Variants in BEND2 observed in about 807,000 individuals in gnomAD.
BEND2 encodes the protein BEN domain-containing protein 2.
BEND2 carries 19 observed loss-of-function variants against 43.8 expected under a neutral mutation model. The ratio of observed to expected loss-of-function variants is 0.43; its 90% confidence interval spans 0.30 to 0.64. The LOEUF is 0.64. Among genes scored for constraint, BEND2 ranks in the 30% least tolerant of loss-of-function variants. The probability of loss-of-function intolerance (pLI) is 0.11; values close to 1 mark genes in which losing one functional copy is unlikely to be tolerated. For synonymous variants in BEND2, 226 were observed against 210.1 expected (o/e 1.08, Z -0.66); for missense variants, 544 against 574.0 (o/e 0.95, Z 0.53).
chrX:18,174,483 G>T (rs1924081529), intron 11 of BEND2, among the ~76,000 whole-genome samples: 1 of 112,347 alleles, frequency 8.9e-6, no homozygotes, highest in Non-Finnish European at 1.9e-5. Flanking sequence ...GGAGGATTTT[G>T]TAGCTCTGTC....
chrX:18,219,356 G>GCAC (rs1189179926), intron 1 of BEND2, among the ~76,000 whole-genome samples: 17 of 112,893 alleles, frequency 1.5e-4, no homozygotes, highest in African/African-American at 5.5e-4. Context: ...GCGGCAAGGG[G>GCAC]GCCGGGCCCT....
intron 10 of BEND2, among the ~76,000 whole-genome samples, chrX:18,176,709 A>G (rs374152430): frequency 5.4e-5 from 6 of 111,275 alleles, no homozygotes; most frequent in South Asian, 7.7e-4. Context: ...GTGTAACCCA[A>G]TGTTGACTAT....
chrX:18,213,531 G>C (rs978475687), intron 3 of BEND2, among the ~76,000 whole-genome samples: 5 of 111,403 alleles, frequency 4.5e-5, no homozygotes, highest in African/African-American at 1.6e-4. Flanking sequence ...CCAAAAGAGA[G>C]AAATCAAAAG....
chrX:18,195,725 A>T (rs1365173777), intron 6 of BEND2, among the ~76,000 whole-genome samples: 1 of 109,865 alleles, frequency 9.1e-6, no homozygotes, highest in African/African-American at 3.3e-5. Flanking sequence ...AAAAAAATTT[A>T]AAAACTAGCC....
intron 6 of BEND2, among the ~76,000 whole-genome samples, chrX:18,197,125 G>T (rs1035134163): frequency 1.8e-5 from 2 of 112,227 alleles, no homozygotes; most frequent in East Asian, 5.6e-4. Flanking sequence ...AAATACATGT[G>T]AATCTAAAAT....
chrX:18,210,358 A>C (rs765244277), intron 4 of BEND2, among the ~76,000 whole-genome samples: 115 of 112,251 alleles, frequency 1.0e-3, no homozygotes, highest in African/African-American at 2.9e-3. Context: ...AAAATTATTA[A>C]TAAACCAAAA....
At chrX:18,176,368 CAAAAAAAA>C (rs57898259) in intron 10 of BEND2, among the ~76,000 whole-genome samples, 1 of 58,295 alleles carries the variant, frequency 1.7e-5, no homozygotes, top group African/African-American at 7.0e-5. Context: ...TCTTGGTGCT[CAAAAAAAA>C]AAAAAAAAAA....
rs1925587282 is a variant in BEND2 at position 18,213,848 on chromosome X, G to C, written c.302C>G (p.Pro101Arg). 6.4e-6 allele frequency: 1 copy of C among 157,007 alleles called. No individual in the cohort carries two copies. Among genetic ancestry groups the C allele is most frequent in the Non-Finnish European group, 1.3e-5 (1 of 78,444 alleles). The allele number at this position is 157,007 out of a possible 1,213,427, so 12.9% of individuals were successfully genotyped here. A position where few individuals can be genotyped will look rare whatever the true frequency, so the allele number is the denominator to read the frequency against. Reference sequence around the variant, plus strand: ...GTGGAAGAATTGCTTGAGTCCAAGAGGTTGAGGCTGCAGTGAGCTGTGATC... The same window carrying C: ...GTGGAAGAATTGCTTGAGTCCAAGACGTTGAGGCTGCAGTGAGCTGTGATC... ...WHDHSSLQPQ[P>R]LGLKQFFHLS... The change falls in exon 3 of 14, where the codon CCT becomes CGT. Residue 101 changes from proline to arginine, a missense_variant. Around this residue, in one of 2 missense-constraint regions of BEND2, gnomAD observed 501 missense variants for 501.6 expected, o/e 1.00. Transcript: ENST00000380033.
At chrX:18,190,115 A>G (rs1248057903) in intron 8 of BEND2, among the ~76,000 whole-genome samples, 2 of 110,988 alleles carry the variant, frequency 1.8e-5, no homozygotes, top group African/African-American at 3.3e-5. Flanking sequence ...TCACTCATAC[A>G]CTGCTGATGG....
intron 1 of BEND2, 110 bp from the exon 2 acceptor site, chrX:18,216,843 G>GA: frequency 1.7e-6 from 1 of 598,035 alleles, no homozygotes; most frequent in Non-Finnish European, 2.6e-6. Context: ...TATTTTAGCT[G>GA]AAAATTTGTA....
At chrX:18,169,956 C>T (rs1923924820) in intron 13 of BEND2, among the ~76,000 whole-genome samples, 1 of 111,044 alleles carries the variant, frequency 9.0e-6, no homozygotes, top group Non-Finnish European at 1.9e-5. Context: ...ACCTATTTTC[C>T]CCCACATTAA....
intron 2 of BEND2, among the ~76,000 whole-genome samples, chrX:18,215,496 G>A (rs1376891954): frequency 2.7e-5 from 3 of 112,234 alleles, no homozygotes; most frequent in Middle Eastern, 4.2e-3. Context: ...ACCTGTTCTT[G>A]TATAGCTCAT....
chrX:18,209,937 T>C (rs1203049949), intron 4 of BEND2, among the ~76,000 whole-genome samples: 1 of 111,333 alleles, frequency 9.0e-6, no homozygotes, highest in East Asian at 2.8e-4. Flanking sequence ...ACATGTAAGT[T>C]AACATTAAGG....
At chrX:18,199,440 G>T (rs370569167) in intron 6 of BEND2, among the ~76,000 whole-genome samples, 15 of 111,307 alleles carry the variant, frequency 1.3e-4, no homozygotes, top group African/African-American at 4.9e-4. Flanking sequence ...CATGTAAACT[G>T]ACTCATGATT....
chrX:18,171,344 A>C, intron 12 of BEND2, 140 bp from the exon 13 acceptor site: 1 of 648,297 alleles, frequency 1.5e-6, no homozygotes. Flanking sequence ...AAGGCCTTAC[A>C]TTTTTATTTA....
intron 6 of BEND2, among the ~76,000 whole-genome samples, chrX:18,197,178 T>C (rs1415613950): frequency 8.9e-6 from 1 of 112,439 alleles, no homozygotes; most frequent in Non-Finnish European, 1.9e-5. Context: ...CTCACGCCTA[T>C]AATCCCAGCA....
chrX:18,188,351 C>T (rs1924641743), intron 8 of BEND2, among the ~76,000 whole-genome samples: 1 of 109,720 alleles, frequency 9.1e-6, no homozygotes, highest in Non-Finnish European at 1.9e-5. Flanking sequence ...GTTGGTTGTG[C>T]ACATGTACCC....
In BEND2 at chrX:18,217,051, T is replaced by G. The variant is rs146499822; in HGVS notation, c.26-318A>C. Reference sequence around the variant, plus strand: ...GCCCATGCCACAGTGTTCAATGATATGCTTTTAACTTAAACGATGCAACTG... The same window carrying G: ...GCCCATGCCACAGTGTTCAATGATAGGCTTTTAACTTAAACGATGCAACTG... On this transcript the variant is annotated intron_variant, in intron 1 of 13. Transcript: ENST00000380033. Among the ~76,000 whole-genome samples the G allele has an allele frequency of 8.8e-3, 992 of 112,907 alleles. 15 individuals are homozygous for G. The highest frequency in any genetic ancestry group is 0.03 in the African/African-American group (939 of 31,124).
At chrX:18,207,370 C>T (rs1749295884) in intron 4 of BEND2, among the ~76,000 whole-genome samples, 8 of 111,335 alleles carry the variant, frequency 7.2e-5, no homozygotes, top group Admixed American at 6.7e-4. Flanking sequence ...ATTCTTACAA[C>T]ACCCCCTCAA....
Sources: gnomAD v4.1 joint callset for allele counts (sites outside exome capture counted in the v4.1 genomes callset) on GRCh38, gnomAD v4.1.1 for gene constraint, gnomAD v4.1.1 regional missense constraint, MANE v1.5 for transcripts, NCBI Gene and HGNC (gene_info 2026-07-23, HGNC 2026-07-21) for gene names.